The following PSD4 variants were observed in gnomAD, a reference collection of about 807,000 sequenced individuals.
PSD4 encodes PH and SEC7 domain-containing protein 4.
PSD4 carries 59 observed loss-of-function variants against 112.5 expected under a neutral mutation model. That is an observed-to-expected ratio of 0.52 (90% CI 0.43 to 0.65). The LOEUF (loss-of-function observed/expected upper bound fraction) is 0.65, where lower values mean the gene tolerates loss of function less well. Ranked by LOEUF, PSD4 falls within the 30% of genes least tolerant of loss-of-function variation. The probability of loss-of-function intolerance (pLI) is 0.00; values close to 1 mark genes in which losing one functional copy is unlikely to be tolerated. For synonymous variants in PSD4, 533 were observed against 540.0 expected, an observed-to-expected ratio of 0.99 and a Z score of 0.18; for missense variants, 1,267 against 1,352.6, an observed-to-expected ratio of 0.94 and a Z score of 0.99.
At chr2:113,186,334 G>A in intron 5 of PSD4, 79 bp downstream of exon 5, 1 of 1,410,340 alleles carries the variant, frequency 7.1e-7, no homozygotes, top group Non-Finnish European at 9.5e-7. Flanking sequence ...TGGAGGGTGA[G>A]AAATGCACAT....
intron 15 of PSD4, 62 bp downstream of exon 15, chr2:113,198,946 G>C (rs915588721): frequency 7.2e-6 from 11 of 1,535,266 alleles, no homozygotes; most frequent in African/African-American, 6.9e-5. Context: ...GGAGCCCCAG[G>C]ACTAACTCGG....
At position 113,183,126 on chromosome 2, in the gene PSD4, G is replaced by C. The variant is rs1377391163; in HGVS notation, c.670G>C (p.Ala224Pro). Residue 224 changes from alanine (A) to proline (P), a missense_variant, in exon 2 of 17, where the codon GCA becomes CCA. Coordinates refer to ENST00000245796, the MANE Select transcript of PSD4 (RefSeq NM_012455.3). ...DSSEPEGEGQAWLREGTPDSS... is the reference protein window; with the variant it reads ...DSSEPEGEGQPWLREGTPDSS... ...CAGTGAGCCTGAGGGAGAGGGCCAG[G>C]CATGGCTGAGAGAGGGAACCCCAGA... 6.2e-7 allele frequency: 1 copy of C among 1,614,040 alleles called. No homozygotes were observed. Among genetic ancestry groups the C allele is most frequent in the South Asian group, 1.1e-5 (1 of 91,076 alleles).
chr2:113,179,483 A>G (rs1688069142), intron 1 of PSD4, among the ~76,000 whole-genome samples: 1 of 152,230 alleles, frequency 6.6e-6, no homozygotes, highest in Non-Finnish European at 1.5e-5. Context: ...GCAAGAAAGA[A>G]TTCAAGGTGA....
chr2:113,196,098 A>C, intron 11 of PSD4, 49 bp from the exon 12 acceptor site: 1 of 1,581,938 alleles, frequency 6.3e-7, no homozygotes, highest in Non-Finnish European at 8.6e-7. Flanking sequence ...GATACCTCCC[A>C]GTTCTCTTTG....
chr2:113,192,674 C>T, intron 6 of PSD4, 85 bp downstream of exon 6: 3 of 1,400,864 alleles, frequency 2.1e-6, no homozygotes, highest in Non-Finnish European at 3.0e-6. Flanking sequence ...TGGCCACCCT[C>T]CCCTTCCCGT....
intron 15 of PSD4, 96 bp from the exon 16 acceptor site, chr2:113,198,987 T>C (rs1428905184): frequency 1.1e-5 from 17 of 1,523,370 alleles, no homozygotes; most frequent in Non-Finnish European, 1.5e-5. Flanking sequence ...GCACTTGGCC[T>C]GGGAACCGAG....
Position 113,182,463 on chromosome 2 carries a change from G to A in PSD4, c.7G>A (p.Gly3Ser), listed in dbSNP as rs374451089. Residue 3 changes from glycine (G) to serine (S), a missense_variant, in exon 2 of 17, where the codon GGT (glycine) becomes AGT (serine). By Grantham distance (56) the Gly-to-Ser change is moderately conservative. This residue lies in a region of PSD4 where 723 missense variants were observed against 704.0 expected (regional missense o/e 1.03). Coordinates refer to ENST00000245796, the MANE Select transcript of PSD4 (RefSeq NM_012455.3). Reference protein sequence around the residue: MMGDYRLPDHPQP... With the variant: MMSDYRLPDHPQP... ...GGCAGCTTTTGCTCAGTGGATGATGGGTGACTACAGACTCCCTGACCACCC... is the reference window on the plus strand; with the variant it reads ...GGCAGCTTTTGCTCAGTGGATGATGAGTGACTACAGACTCCCTGACCACCC... 17 of 1,607,238 alleles carry A rather than the reference G, an allele frequency of 1.1e-5. No individual in the cohort carries two copies. The highest frequency in any genetic ancestry group is 1.4e-5 in the Non-Finnish European group (17 of 1,175,600).
rs562135661 is a variant in PSD4 at position 113,208,555 on chromosome 2, C to T, written c.*7140C>T. The T allele has an allele frequency of 2.9e-4, 44 of 152,302 alleles. No homozygotes were observed. Among genetic ancestry groups the T allele is most frequent in the South Asian group, 8.3e-4 (4 of 4,830 alleles). The allele number at this position is 152,302 out of a possible 1,614,324, so 9.4% of individuals were successfully genotyped here. A position where few individuals can be genotyped will look rare whatever the true frequency, so the allele number is the denominator to read the frequency against. ...CCAGGATACATACAGAGATGTGACC[C>T]GGATGGATGGACCTTTGCCTCACAA... is the stretch of plus-strand genomic sequence containing the variant. On this transcript the variant is annotated 3_prime_UTR_variant, in exon 17 of 17. Transcript: ENST00000245796.
At chr2:113,180,290 C>T (rs1375378507) in intron 1 of PSD4, among the ~76,000 whole-genome samples, 6 of 152,210 alleles carry the variant, frequency 3.9e-5, no homozygotes, top group Non-Finnish European at 8.8e-5. Context: ...TGCTAAGGAA[C>T]TTTCCAGGCT....
rs990899545 is a variant in PSD4 at position 113,186,391 on chromosome 2, G to T, written c.1628+136G>T. The T allele has an allele frequency of 4.1e-6, 4 of 981,518 alleles. No homozygotes were observed. The Admixed American group carries it at 8.8e-5, about 22-fold the overall frequency. The allele number at this position is 981,518 out of a possible 1,614,324, so 60.8% of individuals were successfully genotyped here. ...TTATTAAGCAAGGATTATATGAGTGGGTACCAGGAAGAGTTTTGAGAAAGA... is the reference window on the plus strand; with the variant it reads ...TTATTAAGCAAGGATTATATGAGTGTGTACCAGGAAGAGTTTTGAGAAAGA... On this transcript the variant is annotated intron_variant, in intron 5 of 16. Coordinates refer to ENST00000245796, the MANE Select transcript of PSD4 (RefSeq NM_012455.3).
chr2:113,198,710 C>G, intron 14 of PSD4, 30 bp from the exon 15 acceptor site: 1 of 1,516,070 alleles, frequency 6.6e-7, no homozygotes, highest in Non-Finnish European at 8.8e-7. Flanking sequence ...ACTCTGTGTC[C>G]CCGGGGACCA....
At chr2:113,196,053 G>A in intron 11 of PSD4, 94 bp from the exon 12 acceptor site, 1 of 1,473,064 alleles carries the variant, frequency 6.8e-7, no homozygotes, top group Non-Finnish European at 9.3e-7. Flanking sequence ...GGCTTCCCAG[G>A]AAAAGAGAGG....
At chr2:113,189,351 G>GTATATATATATATA (rs35251391) in intron 5 of PSD4, among the ~76,000 whole-genome samples, 15 of 146,130 alleles carry the variant, frequency 1.0e-4, no homozygotes, top group African/African-American at 3.8e-4. Flanking sequence ...ATATATAATA[G>GTATATATATATATA]TATATATATA....
intron 10 of PSD4, among the ~76,000 whole-genome samples, chr2:113,194,814 A>G (rs1447397030): frequency 1.3e-5 from 2 of 152,244 alleles, no homozygotes. Flanking sequence ...TTACAGGACC[A>G]CTATCATGTA....
In PSD4 at chr2:113,182,421, G is replaced by A; in HGVS notation, c.-36G>A. 1 of 1,536,552 alleles carries A rather than the reference G, an allele frequency of 6.5e-7. No homozygotes were observed. The highest frequency in any genetic ancestry group is 1.2e-5 in the South Asian group (1 of 81,780). On this transcript the variant is annotated 5_prime_UTR_variant, in exon 2 of 17. It removes an upstream start codon present in the reference 5' UTR. Coordinates refer to ENST00000245796, the MANE Select transcript of PSD4 (RefSeq NM_012455.3). ...ACACAGTGAGACCGTGAAAGCAGAT[G>A]CTCCGGGGCACTCCTGGGCAGCTTT... is the stretch of plus-strand genomic sequence containing the variant.
At position 113,182,905 on chromosome 2, in the gene PSD4, C is replaced by G. The variant is rs201765820; in HGVS notation, c.449C>G (p.Thr150Arg). The change falls in exon 2 of 17, where the codon ACG becomes AGG. Residue 150 changes from threonine (T) to arginine (R), a missense_variant. By Grantham distance (71) the Thr-to-Arg change is moderately conservative. Around this residue, in one of 2 missense-constraint regions of PSD4, gnomAD observed 723 missense variants for 704.0 expected, o/e 1.03. Transcript: ENST00000245796. ...LPGSPKQNRS[T>R]STQVVFWAGI... is the part of the protein sequence containing the mutation. ...GGGAGCCCAAAGCAGAACCGGAGCA[C>G]GTCCACACAGGTAGTGTTCTGGGCA... 6.2e-7 allele frequency: 1 copy of G among 1,614,218 alleles called. No homozygotes were observed. Among genetic ancestry groups the G allele is most frequent in the Non-Finnish European group, 8.5e-7 (1 of 1,180,036 alleles).
At chr2:113,181,866 G>T (rs1688146070) in intron 1 of PSD4, among the ~76,000 whole-genome samples, 2 of 152,170 alleles carry the variant, frequency 1.3e-5, no homozygotes, top group African/African-American at 4.8e-5. Context: ...TCATGTCGTG[G>T]GTGCCTGCTT....
Position 113,197,812 on chromosome 2 carries a change from G to A in PSD4, c.2523G>A (p.Gly841=). ...GGCAGATGGTGGATGAGCCCGTGGG[G>A]GTGCACCACTCGCTGGCCACCCCCG... ...LVGQMVDEPV[G]VHHSLATPAT... The change falls in exon 14 of 17, where the codon GGG becomes GGA. Residue 841 remains glycine, a synonymous_variant. Transcript: ENST00000245796. 6.2e-7 allele frequency: 1 copy of A among 1,611,462 alleles called. No homozygotes were observed. The highest frequency in any genetic ancestry group is 1.1e-5 in the South Asian group (1 of 91,006).
intron 16 of PSD4, among the ~76,000 whole-genome samples, chr2:113,200,278 C>T (rs2104510574): frequency 6.6e-6 from 1 of 152,290 alleles, no homozygotes; most frequent in East Asian, 1.9e-4. Flanking sequence ...TTCAGGGATC[C>T]TGGGTGCCTG....
Sources: allele counts gnomAD v4.1 joint callset (sites outside exome capture counted in the v4.1 genomes callset), GRCh38; gene constraint gnomAD v4.1.1; regional missense constraint gnomAD v4.1.1; transcripts MANE v1.5; gene names NCBI Gene and HGNC (gene_info 2026-07-23, HGNC 2026-07-21).